Variants in NRP2 observed in about 807,000 individuals in gnomAD.
NRP2 encodes neuropilin-2.
NRP2 carries 52 observed loss-of-function variants against 110.4 expected under a neutral mutation model. That is an observed-to-expected ratio of 0.47 (90% CI 0.38 to 0.59). NRP2 has a LOEUF of 0.59. NRP2 is among the 20% of genes least tolerant of loss of function. The pLI is 0.00. For synonymous variants in NRP2, 508 were observed against 468.9 expected (o/e 1.08, Z -1.08); for missense variants, 1,049 against 1,203.0 (o/e 0.87, Z 1.89).
At chr2:205,705,957 C>T (rs1306511238) in intron 2 of NRP2, among the ~76,000 whole-genome samples, 3 of 152,160 alleles carry the variant, frequency 2.0e-5, no homozygotes, top group South Asian at 2.1e-4. Context: ...CGGATGCCAG[C>T]GGGGCAGTCA....
intron 15 of NRP2, among the ~76,000 whole-genome samples, chr2:205,781,858 A>T (rs1022680913): frequency 2.0e-5 from 3 of 152,216 alleles, no homozygotes; most frequent in Admixed American, 6.5e-5. Context: ...GTAGCTAGGA[A>T]TAGTGTAGGA....
At chr2:205,698,804 T>C (rs927633956) in intron 2 of NRP2, among the ~76,000 whole-genome samples, 2 of 152,234 alleles carry the variant, frequency 1.3e-5, no homozygotes, top group African/African-American at 4.8e-5. Context: ...ATAAATTGTC[T>C]AAGCATTCCT....
At chr2:205,755,141 G>A (rs938945867) in intron 12 of NRP2, among the ~76,000 whole-genome samples, 4 of 152,078 alleles carry the variant, frequency 2.6e-5, no homozygotes, top group Non-Finnish European at 4.4e-5. Context: ...GCCTTCACCC[G>A]AAAGCCCCTA....
chr2:205,711,260 G>A lies in NRP2; in HGVS notation c.252-4933G>A, dbSNP rs111691384. The stretch of plus-strand genomic sequence containing the variant: ...GCACCAGGGAAGTGTCGTAAATTCA[G>A]CAGTGAAGAGGCAAGGTCCTTGCCT... On this transcript the variant is annotated intron_variant, in intron 2 of 16. Coordinates refer to ENST00000357785, the MANE Select transcript of NRP2 (RefSeq NM_003872.3). Among the ~76,000 whole-genome samples, 21 of 152,342 alleles carry A rather than the reference G, an allele frequency of 1.4e-4. 2 individuals are homozygous for A. The highest frequency in any genetic ancestry group is 6.2e-4 in the South Asian group (3 of 4,826).
intron 7 of NRP2, among the ~76,000 whole-genome samples, chr2:205,732,003 C>T (rs990780816): frequency 2.0e-5 from 3 of 152,188 alleles, no homozygotes; most frequent in African/African-American, 4.8e-5. Flanking sequence ...GCATGGACGG[C>T]GCCTGGTCAC....
Position 205,682,731 on chromosome 2 carries a change from G to A in NRP2, c.-560G>A, listed in dbSNP as rs1002431260. On this transcript the variant is annotated 5_prime_UTR_variant, in exon 1 of 17. Coordinates refer to ENST00000357785, the MANE Select transcript of NRP2 (RefSeq NM_003872.3). The surrounding 1 kb of genome is among the most constrained non-coding windows in gnomAD (Gnocchi z 4.3). ...GCTGGCCAAGCGGGTGTAGCCGTTG[G>A]GGGAGGCTCCCGCCGGGGGAACCCG... 1 of 158,876 alleles carries A rather than the reference G, an allele frequency of 6.3e-6. No individual in the cohort carries two copies. Among genetic ancestry groups the A allele is most frequent in the Non-Finnish European group, 1.4e-5 (1 of 72,080 alleles). The allele number at this position is 158,876 out of a possible 1,614,324, so 9.8% of individuals were successfully genotyped here. A position where few individuals can be genotyped will look rare whatever the true frequency, so the allele number is the denominator to read the frequency against.
chr2:205,733,912 T>TAAC (rs1250569411), intron 7 of NRP2, among the ~76,000 whole-genome samples: 2 of 151,750 alleles, frequency 1.3e-5, no homozygotes, highest in African/African-American at 4.8e-5. Flanking sequence ...TCGATGGGGG[T>TAAC]AACATAATCC....
chr2:205,712,019 T>G (rs1054608696), intron 2 of NRP2, among the ~76,000 whole-genome samples: 6 of 152,160 alleles, frequency 3.9e-5, no homozygotes, highest in African/African-American at 1.4e-4. Flanking sequence ...CGTGGACTCT[T>G]AAAATTAACT....
chr2:205,721,731 A>G (rs2057016559), intron 3 of NRP2, among the ~76,000 whole-genome samples: 1 of 152,242 alleles, frequency 6.6e-6, no homozygotes, highest in African/African-American at 2.4e-5. Flanking sequence ...CACACCACAA[A>G]GGAGCCAGAA....
intron 15 of NRP2, among the ~76,000 whole-genome samples, chr2:205,769,135 C>A (rs900907909): frequency 6.6e-6 from 1 of 152,078 alleles, no homozygotes; most frequent in African/African-American, 2.4e-5. Context: ...TAAAATCAGC[C>A]TTTTCACTCA....
rs780141722 is a variant in NRP2, at chr2:205,765,736, G to A, written c.2404+166G>A. 15 of 753,918 alleles carry A rather than the reference G, an allele frequency of 2.0e-5. No individual in the cohort carries two copies. The East Asian group carries it at 3.8e-4, about 19-fold the overall frequency. 46.7% of individuals were successfully genotyped at this position (753,918 alleles called of 1,614,324 possible). A position where few individuals can be genotyped will look rare whatever the true frequency, so the allele number is the denominator to read the frequency against. Reference sequence around the variant, plus strand: ...TGGGTGTAGTTGTGTCTTAGGCTGGGTTCAGGGTGGGAAGGGGTGTGAGGT... The same window carrying A: ...TGGGTGTAGTTGTGTCTTAGGCTGGATTCAGGGTGGGAAGGGGTGTGAGGT... On this transcript the variant is annotated intron_variant, in intron 14 of 16. Coordinates refer to ENST00000357785, the MANE Select transcript of NRP2 (RefSeq NM_003872.3).
chr2:205,684,574 C>T (rs546897468), intron 1 of NRP2, among the ~76,000 whole-genome samples: 2 of 152,280 alleles, frequency 1.3e-5, no homozygotes, highest in South Asian at 4.1e-4. Flanking sequence ...CCCCCACCAG[C>T]ACACACACCA....
chr2:205,694,549 T>C (rs1416758465), intron 1 of NRP2, among the ~76,000 whole-genome samples: 1 of 152,186 alleles, frequency 6.6e-6, no homozygotes, highest in Non-Finnish European at 1.5e-5. Flanking sequence ...GCTCAGTAGC[T>C]CAAACAGGGT....
At chr2:205,695,713 C>A (rs886335780) in intron 1 of NRP2, among the ~76,000 whole-genome samples, 1 of 152,180 alleles carries the variant, frequency 6.6e-6, no homozygotes, top group Non-Finnish European at 1.5e-5. Context: ...TGAGTAAGAG[C>A]AGCTGGTGAT....
At chr2:205,770,344 C>T (rs751600226) in intron 15 of NRP2, among the ~76,000 whole-genome samples, 1 of 152,202 alleles carries the variant, frequency 6.6e-6, no homozygotes, top group Non-Finnish European at 1.5e-5. Flanking sequence ...TGCACATCCA[C>T]AGCTGTCTCT....
intron 3 of NRP2, among the ~76,000 whole-genome samples, chr2:205,721,626 G>A (rs1296616691): frequency 6.6e-6 from 1 of 152,114 alleles, no homozygotes; most frequent in Admixed American, 6.6e-5. Flanking sequence ...ATCCAAGCTC[G>A]CACCAGGATG....
In NRP2 at chr2:205,745,441, G is replaced by A. The variant is rs1408821398; in HGVS notation, c.1642-305G>A. Reference sequence around the variant, plus strand: ...AAAGTCAGCTGAAAACGCAGTTGGAGCCAAATTCTTCCCCAGATACTCCAT... The same window carrying A: ...AAAGTCAGCTGAAAACGCAGTTGGAACCAAATTCTTCCCCAGATACTCCAT... On this transcript the variant is annotated intron_variant, in intron 9 of 16. Transcript: ENST00000357785. Among the ~76,000 whole-genome samples, 3 of 152,176 alleles carry A rather than the reference G, an allele frequency of 2.0e-5. No individual in the cohort carries two copies. In the East Asian group the frequency reaches 5.8e-4, roughly 29 times the overall value.
chr2:205,776,330 C>T (rs200953461), intron 15 of NRP2: 82 of 1,612,984 alleles, frequency 5.1e-5, no homozygotes. Flanking sequence ...TACGTAATGG[C>T]CGCCGGGGGC....
At chr2:205,749,407 T>G (rs1445481947) in intron 10 of NRP2, among the ~76,000 whole-genome samples, 2 of 152,184 alleles carry the variant, frequency 1.3e-5, no homozygotes, top group Non-Finnish European at 2.9e-5. Context: ...GGTCCTTCCT[T>G]GGAGTCAGCG....
Sources: allele counts gnomAD v4.1 joint callset (sites outside exome capture counted in the v4.1 genomes callset), GRCh38; gene constraint gnomAD v4.1.1; non-coding constraint Gnocchi (gnomAD v3.1); transcripts MANE v1.5; gene names NCBI Gene and HGNC (gene_info 2026-07-23, HGNC 2026-07-21).